Variants in ZNF385D observed in about 807,000 individuals in gnomAD.
The protein encoded by ZNF385D is zinc finger protein 385D.
A neutral mutation model predicts 35.8 loss-of-function variants in ZNF385D; 15 were observed. The ratio of observed to expected loss-of-function variants is 0.42; its 90% CI spans 0.28 to 0.64. ZNF385D has a LOEUF of 0.64. ZNF385D is among the 30% of genes least tolerant of loss of function. The pLI, the probability that ZNF385D is intolerant of heterozygous loss-of-function variation, is 0.23. For synonymous variants in ZNF385D, 212 were observed against 186.8 expected (o/e 1.13, Z -1.10); for missense variants, 474 against 494.6 (o/e 0.96, Z 0.39).
chr3:21,893,347 T>TA (rs1455809086), intron 3 of ZNF385D, among the ~76,000 whole-genome samples: 2 of 152,132 alleles, frequency 1.3e-5, no homozygotes, highest in African/African-American at 4.8e-5. Flanking sequence ...TAAAACATGG[T>TA]AAAAAATAAT....
intron 2 of ZNF385D, among the ~76,000 whole-genome samples, chr3:21,604,790 A>C (rs1489784617): frequency 6.6e-6 from 1 of 152,170 alleles, no homozygotes; most frequent in East Asian, 1.9e-4. Flanking sequence ...CTCTCCAAAG[A>C]AATATGCAAG....
chr3:21,583,743 T>G (rs1434253625), intron 2 of ZNF385D, among the ~76,000 whole-genome samples: 1 of 151,274 alleles, frequency 6.6e-6, no homozygotes, highest in Non-Finnish European at 1.5e-5. Flanking sequence ...GTTATTTTTA[T>G]TCATTCAATA....
intron 3 of ZNF385D, among the ~76,000 whole-genome samples, chr3:21,941,575 G>A (rs931888135): frequency 7.6e-6 from 1 of 131,784 alleles, no homozygotes; most frequent in Non-Finnish European, 1.5e-5. Context: ...TCGGCTCACT[G>A]CAACCTCCGC....
intron 2 of ZNF385D, among the ~76,000 whole-genome samples, chr3:21,598,939 T>C (rs1454275096): frequency 6.6e-6 from 1 of 152,196 alleles, no homozygotes; most frequent in Non-Finnish European, 1.5e-5. Flanking sequence ...ATGGAACAAC[T>C]AGGTGTCTTT....
intron 3 of ZNF385D, among the ~76,000 whole-genome samples, chr3:22,131,672 T>G (rs1703801067): frequency 6.6e-6 from 1 of 151,748 alleles, no homozygotes; most frequent in Non-Finnish European, 1.5e-5. Flanking sequence ...GGTAAAGGAG[T>G]GATGGCAGAG....
chr3:21,891,525 A>T (rs1043321096), intron 3 of ZNF385D, among the ~76,000 whole-genome samples: 1 of 152,160 alleles, frequency 6.6e-6, no homozygotes, highest in African/African-American at 2.4e-5. Context: ...CCTCAGAGGT[A>T]AATGATATAA....
At chr3:22,326,224 A>C (rs1372557997) in intron 2 of ZNF385D, among the ~76,000 whole-genome samples, 1 of 152,204 alleles carries the variant, frequency 6.6e-6, no homozygotes, top group Non-Finnish European at 1.5e-5. Flanking sequence ...TCTCAGATAA[A>C]AGAATGTCTC....
intron 3 of ZNF385D, among the ~76,000 whole-genome samples, chr3:21,762,368 G>T (rs2335430): frequency 0.4 from 59,957 of 151,538 alleles, 12,692 homozygotes; most frequent in East Asian, 0.51. Context: ...CTCTTTACCC[G>T]GTAAAGCTCT....
chr3:21,710,132 T>C (rs2068046323), intron 1 of ZNF385D, among the ~76,000 whole-genome samples: 1 of 152,070 alleles, frequency 6.6e-6, no homozygotes, highest in South Asian at 2.1e-4. Context: ...TTTCAGGAGT[T>C]GGGTATGGGG....
intron 3 of ZNF385D, among the ~76,000 whole-genome samples, chr3:22,059,909 A>G (rs73035905): frequency 6.6e-6 from 1 of 152,342 alleles, no homozygotes; most frequent in Non-Finnish European, 1.5e-5. Flanking sequence ...ACCTTCACCA[A>G]TGTGGGCAGG....
chr3:22,249,313 A>G (rs889498735), intron 2 of ZNF385D, among the ~76,000 whole-genome samples: 1 of 152,186 alleles, frequency 6.6e-6, no homozygotes, highest in Non-Finnish European at 1.5e-5. Flanking sequence ...AATGTAATGC[A>G]AACAATAATG....
chr3:21,936,346 C>A (rs987699708), intron 3 of ZNF385D, among the ~76,000 whole-genome samples: 21 of 151,428 alleles, frequency 1.4e-4, no homozygotes, highest in African/African-American at 5.1e-4. Flanking sequence ...TAAAAATTCT[C>A]AAGATTTTTA....
intron 3 of ZNF385D, among the ~76,000 whole-genome samples, chr3:22,084,738 T>C (rs1230241432): frequency 6.6e-6 from 1 of 152,224 alleles, no homozygotes; most frequent in Non-Finnish European, 1.5e-5. Context: ...AATAGACATC[T>C]ACAGAACTCT....
intron 1 of ZNF385D, among the ~76,000 whole-genome samples, chr3:21,724,695 G>T (rs2068687424): frequency 1.3e-5 from 2 of 151,890 alleles, no homozygotes; most frequent in South Asian, 4.2e-4. Context: ...AGTTCTTAGA[G>T]ACTTACAAAG....
At chr3:21,440,599 T>C (rs1356382605) in intron 4 of ZNF385D, among the ~76,000 whole-genome samples, 1 of 152,162 alleles carries the variant, frequency 6.6e-6, no homozygotes, top group Non-Finnish European at 1.5e-5. Context: ...AACTAATGTA[T>C]GAATACTGAT....
intron 1 of ZNF385D, among the ~76,000 whole-genome samples, chr3:21,726,356 G>C (rs1396426643): frequency 6.6e-6 from 1 of 152,064 alleles, no homozygotes; most frequent in African/African-American, 2.4e-5. Context: ...AGAAATAAAG[G>C]ATACTCAAAT....
chr3:21,999,432 T>C (rs1240241219), intron 3 of ZNF385D, among the ~76,000 whole-genome samples: 1 of 152,172 alleles, frequency 6.6e-6, no homozygotes, highest in Non-Finnish European at 1.5e-5. Context: ...TTAAATGATT[T>C]GCGAGTAAAA....
At chr3:21,817,652 G>C (rs866363378) in intron 3 of ZNF385D, among the ~76,000 whole-genome samples, 12 of 152,236 alleles carry the variant, frequency 7.9e-5, no homozygotes, top group African/African-American at 1.2e-4. Context: ...TTAGAATGGA[G>C]ATCATTAAAA....
At chr3:21,437,264 AG>A in intron 4 of ZNF385D, 61 bp from the exon 5 acceptor site, 1 of 1,463,722 alleles carries the variant, frequency 6.8e-7, no homozygotes, top group Non-Finnish European at 9.3e-7. Context: ...TTCCCTATTC[AG>A]GAATGTATCA....
Sources: allele counts gnomAD v4.1 joint callset (sites outside exome capture counted in the v4.1 genomes callset), GRCh38; gene constraint gnomAD v4.1.1; transcripts MANE v1.5; gene names NCBI Gene and HGNC (gene_info 2026-07-23, HGNC 2026-07-21).